NRXN1: variants seen among roughly 807,000 people sequenced by gnomAD.
The protein encoded by NRXN1 is neurexin-1.
NRXN1 carries 39 observed loss-of-function variants against 150.9 expected under a neutral mutation model. That is an observed-to-expected ratio of 0.26 (90% CI 0.20 to 0.34). The LOEUF is 0.34. Among genes scored for constraint, NRXN1 ranks in the 10% least tolerant of loss-of-function variants. The probability of loss-of-function intolerance (pLI) is 1.00; values close to 1 mark genes in which losing one functional copy is unlikely to be tolerated. For synonymous variants in NRXN1, 924 were observed against 757.0 expected, an observed-to-expected ratio of 1.22 and a Z score of -3.62; for missense variants, 1,815 against 1,949.9, an observed-to-expected ratio of 0.93 and a Z score of 1.30.
At chr2:50,036,191 G>A (rs569573189) in intron 21 of NRXN1, among the ~76,000 whole-genome samples, 69 of 152,188 alleles carry the variant, frequency 4.5e-4, no homozygotes, top group South Asian at 3.9e-3. Context: ...TCATGGGGGA[G>A]GTCTCCCCCA....
chr2:49,936,515 C>T (rs1053763123), intron 22 of NRXN1, among the ~76,000 whole-genome samples: 2 of 152,014 alleles, frequency 1.3e-5, no homozygotes, highest in African/African-American at 4.8e-5. Flanking sequence ...CATAATTAAC[C>T]GTATTCTCCC....
At position 50,640,616 on chromosome 2, in the gene NRXN1, A is replaced by G. The variant is rs191579861; in HGVS notation, c.833-17001T>C. ...TATTTATGTAAAACCACACAAATGA[A>G]TATGCAATCCCAGAAGAATAAATAA... On this transcript the variant is annotated intron_variant, in intron 5 of 22. Coordinates refer to ENST00000401669, the MANE Select transcript of NRXN1 (RefSeq NM_001330078.2). Among the ~76,000 whole-genome samples the G allele has an allele frequency of 2.8e-3, 419 of 152,310 alleles. 1 individual carries two copies. The highest frequency in any genetic ancestry group is 0.017 in the Middle Eastern group (5 of 294).
chr2:50,259,888 G>A (rs890175209), intron 17 of NRXN1, among the ~76,000 whole-genome samples: 1 of 151,716 alleles, frequency 6.6e-6, no homozygotes, highest in African/African-American at 2.4e-5. Context: ...TACTCATCAA[G>A]GTGGTTTATC....
chr2:50,551,050 G>GGAAGAGGAAGAGGAAGAAGAAGAA (rs1335681510), intron 9 of NRXN1, among the ~76,000 whole-genome samples: 1 of 78,988 alleles, frequency 1.3e-5, no homozygotes, highest in Admixed American at 1.5e-4. Flanking sequence ...AAGAGGAAGA[G>GGAAGAGGAAGAGGAAGAAGAAGAA]GAAGAAGAAG....
intron 13 of NRXN1, among the ~76,000 whole-genome samples, chr2:50,498,431 T>C (rs1379891588): frequency 6.6e-6 from 1 of 152,132 alleles, no homozygotes; most frequent in African/African-American, 2.4e-5. Context: ...AATACACTAA[T>C]TGAAAGCTTG....
chr2:50,602,524 T>C (rs553993925), intron 8 of NRXN1, among the ~76,000 whole-genome samples: 2 of 152,288 alleles, frequency 1.3e-5, no homozygotes, highest in South Asian at 4.1e-4. Flanking sequence ...AAAATTGCTC[T>C]TATTTTTAAA....
intron 3 of NRXN1, among the ~76,000 whole-genome samples, chr2:50,925,230 T>C (rs867763290): frequency 7.9e-5 from 12 of 151,902 alleles, no homozygotes; most frequent in Admixed American, 3.3e-4. Context: ...TCTTAAAAAA[T>C]GAGAATAAGG....
In NRXN1 at chr2:50,421,553, T is replaced by A. The variant is rs141376368; in HGVS notation, c.3364+43889A>T. 4.7e-4 allele frequency among the ~76,000 whole-genome samples: 71 copies of A among 152,268 alleles called. 1 individual carries two copies. The highest frequency in any genetic ancestry group is 1.5e-3 in the African/African-American group (64 of 41,572). The stretch of plus-strand genomic sequence containing the variant: ...ATATAATTCAGCTGGGCTGCATGTA[T>A]CTGATTTGCATATGGCTGTATCTTT... On this transcript the variant is annotated intron_variant, in intron 17 of 22. Transcript: ENST00000401669.
chr2:50,348,131 G>A (rs967036562), intron 17 of NRXN1, among the ~76,000 whole-genome samples: 1 of 152,182 alleles, frequency 6.6e-6, no homozygotes, highest in African/African-American at 2.4e-5. Flanking sequence ...GTTCTACCAG[G>A]TGTTTAAACT....
In NRXN1 at chr2:50,870,298, T is replaced by C. The variant is rs1297720630; in HGVS notation, c.832+51571A>G. On this transcript the variant is annotated intron_variant, in intron 5 of 22. Transcript: ENST00000401669. Reference sequence around the variant, plus strand: ...CTTACCCAAGCTTAAATTTCTACCATAGTTCCCACATTGAGTAAAATTTAG... The same window carrying C: ...CTTACCCAAGCTTAAATTTCTACCACAGTTCCCACATTGAGTAAAATTTAG... 5.9e-5 allele frequency among the ~76,000 whole-genome samples: 9 copies of C among 151,906 alleles called. No individual in the cohort carries two copies. The East Asian group carries it at 9.7e-4, about 16-fold the overall frequency.
chr2:50,534,132 C>T (rs2093193175), intron 10 of NRXN1, among the ~76,000 whole-genome samples: 1 of 150,874 alleles, frequency 6.6e-6, no homozygotes, highest in East Asian at 1.9e-4. Context: ...CACACACATA[C>T]ACACACAGTG....
At chr2:50,203,664 A>T (rs937340218) in intron 18 of NRXN1, among the ~76,000 whole-genome samples, 3 of 152,188 alleles carry the variant, frequency 2.0e-5, no homozygotes, top group Non-Finnish European at 4.4e-5. Flanking sequence ...TAGGATAAAA[A>T]GGTTAACTCT....
intron 17 of NRXN1, among the ~76,000 whole-genome samples, chr2:50,301,123 C>A (rs1286960699): frequency 2.6e-5 from 4 of 152,194 alleles, no homozygotes; most frequent in Non-Finnish European, 4.4e-5. Flanking sequence ...TCTGGTTATT[C>A]AGACTCTACA....
At chr2:50,828,135 G>A (rs963367559) in intron 5 of NRXN1, among the ~76,000 whole-genome samples, 3 of 151,868 alleles carry the variant, frequency 2.0e-5, no homozygotes, top group Non-Finnish European at 2.9e-5. Context: ...CCTCCCAGAC[G>A]GGGTGGTGGC....
intron 17 of NRXN1, among the ~76,000 whole-genome samples, chr2:50,281,224 G>T (rs2071410615): frequency 6.6e-6 from 1 of 151,814 alleles, no homozygotes; most frequent in Admixed American, 6.6e-5. Flanking sequence ...GGCTGAGGCA[G>T]GAGAATGGCA....
intron 12 of NRXN1, among the ~76,000 whole-genome samples, chr2:50,512,184 T>A (rs1451040826): frequency 6.6e-6 from 1 of 152,144 alleles, no homozygotes; most frequent in African/African-American, 2.4e-5. Flanking sequence ...ATAGTGAATA[T>A]CTCTAATGGT....
intron 17 of NRXN1, among the ~76,000 whole-genome samples, chr2:50,371,218 AC>A (rs1444311830): frequency 6.6e-6 from 1 of 152,018 alleles, no homozygotes; most frequent in Non-Finnish European, 1.5e-5. Context: ...TAACTCCCAC[AC>A]AAACCTTCTG....
At chr2:50,321,783 A>G (rs953484849) in intron 17 of NRXN1, among the ~76,000 whole-genome samples, 3 of 152,118 alleles carry the variant, frequency 2.0e-5, no homozygotes, top group African/African-American at 7.2e-5. Context: ...CCCATTCTAC[A>G]TTGCACTCCA....
chr2:50,684,888 G>A (rs954451307), intron 5 of NRXN1, among the ~76,000 whole-genome samples: 19 of 152,094 alleles, frequency 1.2e-4, no homozygotes, highest in African/African-American at 4.6e-4. Flanking sequence ...ACTAATACTT[G>A]AAGAGTACTG....
Sources: allele counts gnomAD v4.1 joint callset (sites outside exome capture counted in the v4.1 genomes callset), GRCh38; gene constraint gnomAD v4.1.1; transcripts MANE v1.5; gene names NCBI Gene and HGNC (gene_info 2026-07-23, HGNC 2026-07-21).